The following SMNDC1 variants were observed in gnomAD, a reference collection of about 807,000 sequenced individuals.
SMNDC1 encodes survival of motor neuron-related-splicing factor 30.
A neutral mutation model predicts 29.2 loss-of-function variants in SMNDC1; 5 were observed. That is an observed-to-expected ratio of 0.17 (90% confidence interval 0.09 to 0.36). The LOEUF (loss-of-function observed/expected upper bound fraction) is 0.36. SMNDC1 is among the 10% of genes least tolerant of loss of function. The pLI, the probability that SMNDC1 is intolerant of heterozygous loss-of-function variation, is 1.00. For synonymous variants in SMNDC1, 80 were observed against 89.9 expected (o/e 0.89, Z 0.62); for missense variants, 142 against 268.5 (o/e 0.53, Z 3.29).
chr10:110,297,687 C>T lies in SMNDC1; in HGVS notation c.305G>A (p.Gly102Asp). Residue 102 changes from glycine to aspartate, a missense_variant, in exon 4 of 6, where the codon GGC becomes GAC. Gly to Asp is a moderately conservative substitution (Grantham distance 94). Coordinates refer to ENST00000369603, the MANE Select transcript of SMNDC1 (RefSeq NM_005871.4). ...ACCAGCAAAGGTGATTGCAGCGGTG[C>T]CATTTTCTTCATCTATCTCCTCAAT... ...AEIEEIDEEN[G>D]TAAITFAGYG... 6.2e-7 allele frequency: 1 copy of T among 1,613,946 alleles called. No individual in the cohort carries two copies. The highest frequency in any genetic ancestry group is 8.5e-7 in the Non-Finnish European group (1 of 1,179,918).
rs1857497172 is a variant in SMNDC1 at position 110,291,310 on chromosome 10, C to T, written c.*2840G>A. 1 of 152,176 alleles carries T rather than the reference C, an allele frequency of 6.6e-6. No individual in the cohort carries two copies. The highest frequency in any genetic ancestry group is 1.5e-5 in the Non-Finnish European group (1 of 68,030). The allele number at this position is 152,176 out of a possible 1,614,324, so 9.4% of individuals were successfully genotyped here. On this transcript the variant is annotated 3_prime_UTR_variant, in exon 6 of 6. Transcript: ENST00000369603. ...TAGGGGTGACTTTTATTATAACCTTCACCCCCTTCCCATTAAGAAACATGC... is the reference window on the plus strand; with the variant it reads ...TAGGGGTGACTTTTATTATAACCTTTACCCCCTTCCCATTAAGAAACATGC...
chr10:110,301,911 A>T (rs1857655719), intron 2 of SMNDC1, among the ~76,000 whole-genome samples: 1 of 152,220 alleles, frequency 6.6e-6, no homozygotes, highest in Non-Finnish European at 1.5e-5. Context: ...ATGAGGAATT[A>T]TTCTAGAAAT....
Position 110,293,090 on chromosome 10 carries a change from AAAT to A in SMNDC1, c.*1057_*1059del, listed in dbSNP as rs1407734447. 3 of 152,530 alleles carry A rather than the reference AAAT, an allele frequency of 2.0e-5. No individual in the cohort carries two copies. Among genetic ancestry groups the A allele is most frequent in the Admixed American group, 1.3e-4 (2 of 15,298 alleles). 9.4% of individuals were successfully genotyped at this position (152,530 alleles called of 1,614,324 possible). A position where few individuals can be genotyped will look rare whatever the true frequency, so the allele number is the denominator to read the frequency against. On this transcript the variant is annotated 3_prime_UTR_variant, in exon 6 of 6. Coordinates refer to ENST00000369603, the MANE Select transcript of SMNDC1 (RefSeq NM_005871.4). ...AATAAAAGTTAAACATACAAAACTG[AAAT>A]AATACACATCCTAAAAATTACCTTC...
chr10:110,300,444 A>T (rs562902650), intron 2 of SMNDC1: 3 of 528,426 alleles, frequency 5.7e-6, no homozygotes, highest in Admixed American at 1.3e-4. Flanking sequence ...CCCTCCCAAC[A>T]AACTATGAAG....
intron 2 of SMNDC1, among the ~76,000 whole-genome samples, chr10:110,301,568 G>A (rs911021502): frequency 1.1e-4 from 16 of 152,170 alleles, no homozygotes; most frequent in African/African-American, 7.2e-5. Context: ...TGGTAGTCAC[G>A]TGTGGCTAAT....
At chr10:110,303,774 C>A (rs1857694207) in intron 1 of SMNDC1, 187 bp from the exon 2 acceptor site, 5 of 522,348 alleles carry the variant, frequency 9.6e-6, no homozygotes, top group Non-Finnish European at 9.8e-6. Context: ...TTAAAGGCAA[C>A]AGATTCTGAG....
intron 2 of SMNDC1, chr10:110,300,561 C>T: frequency 1.0e-6 from 1 of 985,322 alleles, no homozygotes; most frequent in Non-Finnish European, 1.2e-6. Context: ...AATTACTTTT[C>T]CTCCCTCAAG....
In SMNDC1 at chr10:110,300,152, C is replaced by A. The variant is rs1857624222; in HGVS notation, c.121-1362G>T. Among the ~76,000 whole-genome samples, 5 of 152,186 alleles carry A rather than the reference C, an allele frequency of 3.3e-5. No individual in the cohort carries two copies. In the South Asian group the frequency reaches 1.0e-3, roughly 31 times the overall value. On this transcript the variant is annotated intron_variant, in intron 2 of 5. Transcript: ENST00000369603. The stretch of plus-strand genomic sequence containing the variant: ...GCCTGACTCAAGAGCCCACACAAAT[C>A]TCTATCATTAAATACTTCCAGATCC...
chr10:110,303,693 C>T lies in SMNDC1; in HGVS notation c.1-106G>A, dbSNP rs185168534. ...AATTACCAGTTTTTGCCTCTAACTC[C>T]TTCTAACACTGCAGCTTAATTTACC... is the stretch of plus-strand genomic sequence containing the variant. On this transcript the variant is annotated intron_variant, in intron 1 of 5. Coordinates refer to ENST00000369603, the MANE Select transcript of SMNDC1 (RefSeq NM_005871.4). 1.4e-4 allele frequency: 140 copies of T among 1,021,126 alleles called. No individual in the cohort carries two copies. In the African/African-American group the frequency reaches 2.1e-3, roughly 15 times the overall value. 63.3% of individuals were successfully genotyped at this position (1,021,126 alleles called of 1,614,324 possible).
rs1366862573 is a variant in SMNDC1, at chr10:110,291,863, G to A, written c.*2287C>T. On this transcript the variant is annotated 3_prime_UTR_variant, in exon 6 of 6. Transcript: ENST00000369603. ...TTAGGACTGTTCTTTCCTTGAAATGGTAACAACAGTCAAACGTCAAGCTTT... is the reference window on the plus strand; with the variant it reads ...TTAGGACTGTTCTTTCCTTGAAATGATAACAACAGTCAAACGTCAAGCTTT... The A allele has an allele frequency of 1.3e-5, 2 of 152,068 alleles. No individual in the cohort carries two copies. The highest frequency in any genetic ancestry group is 4.8e-5 in the African/African-American group (2 of 41,394). The allele number at this position is 152,068 out of a possible 1,614,324, so 9.4% of individuals were successfully genotyped here.
intron 3 of SMNDC1, 29 bp from the exon 4 acceptor site, chr10:110,297,757 T>G: frequency 6.2e-7 from 1 of 1,605,794 alleles, no homozygotes; most frequent in Non-Finnish European, 8.5e-7. Flanking sequence ...TGTAAGCAGG[T>G]GAGTAAAGGT....
chr10:110,299,834 CCTGG>C (rs1857618739), intron 2 of SMNDC1, among the ~76,000 whole-genome samples: 1 of 152,116 alleles, frequency 6.6e-6, no homozygotes, highest in Non-Finnish European at 1.5e-5. Context: ...TCTAAATCTT[CCTGG>C]CTATTTCTGA....
chr10:110,295,697 A>G, intron 4 of SMNDC1, among the ~76,000 whole-genome samples: 1 of 150,756 alleles, frequency 6.6e-6, no homozygotes, highest in Non-Finnish European at 1.5e-5. Context: ...GTTGGAGTAC[A>G]GTGGCACAAT....
intron 3 of SMNDC1, among the ~76,000 whole-genome samples, chr10:110,298,323 T>C (rs535985150): frequency 2.0e-4 from 31 of 152,344 alleles, no homozygotes; most frequent in South Asian, 1.0e-3. Context: ...TGTCAGTGTA[T>C]GCTCTTCACA....
chr10:110,296,923 G>A (rs1206123084), intron 4 of SMNDC1, among the ~76,000 whole-genome samples: 1 of 152,024 alleles, frequency 6.6e-6, no homozygotes, highest in African/African-American at 2.4e-5. Flanking sequence ...AACACTTATC[G>A]TTTGAATCCT....
rs570226864 is a variant in SMNDC1, at chr10:110,291,832, G to A, written c.*2318C>T. ...CACTAAAACTCAACATTTTATTTTC[G>A]GGAGGTTAGGACTGTTCTTTCCTTG... On this transcript the variant is annotated 3_prime_UTR_variant, in exon 6 of 6. Transcript: ENST00000369603. 2.6e-5 allele frequency: 4 copies of A among 151,980 alleles called. No individual in the cohort carries two copies. Among genetic ancestry groups the A allele is most frequent in the East Asian group, 3.9e-4 (2 of 5,078 alleles). The allele number at this position is 151,980 out of a possible 1,614,324, so 9.4% of individuals were successfully genotyped here.
Position 110,294,225 on chromosome 10 carries a change from A to G in SMNDC1, c.642T>C (p.Cys214=). 1 of 1,608,504 alleles carries G rather than the reference A, an allele frequency of 6.2e-7. No homozygotes were observed. The highest frequency in any genetic ancestry group is 1.1e-5 in the South Asian group (1 of 90,566). ...GTGTCATAGGTTTATCAGCAATTCC[A>G]CAGGTTCCTACTCCAACTTTACCAG... ...SVTGKVGVGT[C]GIADKPMTQY... Residue 214 remains cysteine (C), a synonymous_variant, in exon 6 of 6, where the codon TGT becomes TGC. Coordinates refer to ENST00000369603, the MANE Select transcript of SMNDC1 (RefSeq NM_005871.4).
rs1441624854 is a variant in SMNDC1 at position 110,293,991 on chromosome 10, T to C, written c.*159A>G. On this transcript the variant is annotated 3_prime_UTR_variant, in exon 6 of 6. Coordinates refer to ENST00000369603, the MANE Select transcript of SMNDC1 (RefSeq NM_005871.4). ...AGAAAAGTTAAATGAATAGCAGTTA[T>C]CAAATGCAATTTCTTCACGTTTCAT... The C allele has an allele frequency of 5.5e-6, 3 of 543,068 alleles. No homozygotes were observed. Among genetic ancestry groups the C allele is most frequent in the African/African-American group, 2.0e-5 (1 of 49,840 alleles). 33.6% of individuals were successfully genotyped at this position (543,068 alleles called of 1,614,324 possible). A position where few individuals can be genotyped will look rare whatever the true frequency, so the allele number is the denominator to read the frequency against.
Position 110,293,191 on chromosome 10 carries a change from T to C in SMNDC1, c.*959A>G, listed in dbSNP as rs545389415. On this transcript the variant is annotated 3_prime_UTR_variant, in exon 6 of 6. Coordinates refer to ENST00000369603, the MANE Select transcript of SMNDC1 (RefSeq NM_005871.4). ...TCAACTCAGGATAACTGTGATGATG[T>C]TCACTTACACCAACAAATGCAGACA... 1.5e-4 allele frequency: 23 copies of C among 152,748 alleles called. No individual in the cohort carries two copies. The highest frequency in any genetic ancestry group is 5.5e-4 in the African/African-American group (23 of 41,574). 9.5% of individuals were successfully genotyped at this position (152,748 alleles called of 1,614,324 possible).
Sources: gnomAD v4.1 joint callset for allele counts (sites outside exome capture counted in the v4.1 genomes callset) on GRCh38, gnomAD v4.1.1 for gene constraint, MANE v1.5 for transcripts, NCBI Gene and HGNC (gene_info 2026-07-23, HGNC 2026-07-21) for gene names.